SATL1: variants seen among roughly 807,000 people sequenced by gnomAD.
SATL1 encodes spermidine/spermine N1-acetyl transferase like 1, also known as spermidine/spermine N(1)-acetyltransferase-like protein 1.
SATL1 carries 47 observed loss-of-function variants against 51.8 expected under a neutral mutation model. That is an observed-to-expected ratio of 0.91 (90% CI 0.72 to 1.16). The LOEUF (loss-of-function observed/expected upper bound fraction) is 1.16. Among genes scored for constraint, SATL1 ranks in the 50% most tolerant of loss-of-function variants. The pLI is 0.00. For synonymous variants in SATL1, 176 were observed against 182.4 expected (o/e 0.97, Z 0.28); for missense variants, 520 against 526.4 (o/e 0.99, Z 0.12).
intron 4 of SATL1, among the ~76,000 whole-genome samples, chrX:85,100,150 G>A (rs755070120): frequency 8.0e-5 from 9 of 112,301 alleles, no homozygotes; most frequent in African/African-American, 2.9e-4. Context: ...AGGTTGCAGT[G>A]AGCCAAGATC....
At chrX:85,161,415 C>A (rs1160449739) in intron 2 of SATL1, among the ~76,000 whole-genome samples, 1 of 108,606 alleles carries the variant, frequency 9.2e-6, no homozygotes, top group Non-Finnish European at 1.9e-5. Context: ...TCCAGAGACC[C>A]ATCTCACATG....
At chrX:85,241,352 T>C (rs749362317) in intron 1 of SATL1, among the ~76,000 whole-genome samples, 12 of 111,015 alleles carry the variant, frequency 1.1e-4, no homozygotes, top group African/African-American at 3.0e-4. Flanking sequence ...AGTGATGGGA[T>C]CATTCATACA....
chrX:85,208,914 T>G (rs1043126709), intron 2 of SATL1: 14 of 112,304 alleles, frequency 1.2e-4, no homozygotes, highest in East Asian at 8.4e-4. Context: ...AGATCCCATT[T>G]GTCAATTTTG....
chrX:85,103,800 C>T (rs181642291), intron 4 of SATL1, 64 bp downstream of exon 4: 3 of 778,718 alleles, frequency 3.9e-6, no homozygotes, highest in African/African-American at 4.1e-5. Context: ...CAATAGCTTC[C>T]ACATATCTAA....
intron 2 of SATL1, among the ~76,000 whole-genome samples, chrX:85,187,742 G>A (rs1927344400): frequency 9.0e-6 from 1 of 111,253 alleles, no homozygotes; most frequent in Non-Finnish European, 1.9e-5. Flanking sequence ...GAGGACTTTT[G>A]CATCTATGTT....
intron 2 of SATL1, among the ~76,000 whole-genome samples, chrX:85,147,727 C>T (rs1602868100): frequency 8.9e-6 from 1 of 112,169 alleles, no homozygotes; most frequent in East Asian, 2.8e-4. Context: ...TGGAGTGGAC[C>T]TCTAGCAAAC....
At chrX:85,142,893 T>G (rs1258575434) in intron 2 of SATL1, 1 of 111,834 alleles carries the variant, frequency 8.9e-6, no homozygotes, top group Non-Finnish European at 1.9e-5. Context: ...AAAACTCTCC[T>G]AACTTTTGTT....
chrX:85,226,022 A>G (rs1021269212), intron 1 of SATL1, among the ~76,000 whole-genome samples: 2 of 110,756 alleles, frequency 1.8e-5, no homozygotes, highest in African/African-American at 6.6e-5. Flanking sequence ...GAATTATATA[A>G]TTATGTCCTT....
intron 2 of SATL1, among the ~76,000 whole-genome samples, chrX:85,111,985 G>T (rs954945145): frequency 8.9e-6 from 1 of 111,847 alleles, no homozygotes; most frequent in Non-Finnish European, 1.9e-5. Context: ...CCAGAAGAAA[G>T]AATTAGACTG....
intron 2 of SATL1, among the ~76,000 whole-genome samples, chrX:85,179,709 T>C (rs909924407): frequency 9.0e-6 from 1 of 110,583 alleles, no homozygotes; most frequent in Admixed American, 9.7e-5. Context: ...ATCTATAAAA[T>C]AGGACTTCTG....
At chrX:85,095,743 G>A (rs751714338) in intron 4 of SATL1, among the ~76,000 whole-genome samples, 22 of 101,198 alleles carry the variant, frequency 2.2e-4, no homozygotes, top group East Asian at 3.1e-4. Flanking sequence ...GGAGAATGGC[G>A]TGAACCCGGG....
At chrX:85,220,996 C>G (rs907272049) in intron 2 of SATL1, among the ~76,000 whole-genome samples, 10 of 111,056 alleles carry the variant, frequency 9.0e-5, no homozygotes, top group Middle Eastern at 9.3e-3. Context: ...CCAGTTGGTC[C>G]CCCCATATCT....
At chrX:85,199,175 C>T (rs1927641033) in intron 2 of SATL1, among the ~76,000 whole-genome samples, 1 of 110,744 alleles carries the variant, frequency 9.0e-6, no homozygotes, top group East Asian at 2.8e-4. Context: ...CCCCACACTC[C>T]CCCCACTACC....
chrX:85,132,581 G>A (rs1925837389), intron 2 of SATL1, among the ~76,000 whole-genome samples: 3 of 111,515 alleles, frequency 2.7e-5, no homozygotes, highest in Admixed American at 1.9e-4. Context: ...TAGCTTGCTT[G>A]CAATGGTTTC....
chrX:85,225,269 T>A (rs1321159250), intron 1 of SATL1, among the ~76,000 whole-genome samples: 1 of 111,926 alleles, frequency 8.9e-6, no homozygotes, highest in African/African-American at 3.2e-5. Context: ...CAACTACAGA[T>A]AAAACTAGGG....
rs946218510 is a variant in SATL1, at chrX:85,154,049, G to A, written c.-312-44769C>T. 85 of 111,621 alleles carry A rather than the reference G, an allele frequency of 7.6e-4. 1 individual carries two copies. The highest frequency in any genetic ancestry group is 2.7e-3 in the African/African-American group (82 of 30,741). 9.2% of individuals were successfully genotyped at this position (111,621 alleles called of 1,213,427 possible). On this transcript the variant is annotated intron_variant, in intron 2 of 7. Transcript: ENST00000644105. ...GTTCTCTTCCACATTCATCAACATC[G>A]TAATTAAATTCTAACAAAAGTCAGA...
At chrX:85,206,836 G>C (rs1390029269) in intron 2 of SATL1, among the ~76,000 whole-genome samples, 1 of 111,487 alleles carries the variant, frequency 9.0e-6, no homozygotes, top group Admixed American at 9.6e-5. Context: ...CATGAGTAAA[G>C]GCTCTGGGGA....
chrX:85,185,999 C>T (rs1477130545), intron 2 of SATL1, among the ~76,000 whole-genome samples: 1 of 110,570 alleles, frequency 9.0e-6, no homozygotes, highest in Non-Finnish European at 1.9e-5. Flanking sequence ...ACCTGGTTAC[C>T]ACTGCTGGTT....
At chrX:85,195,020 A>G (rs1927525104) in intron 2 of SATL1, among the ~76,000 whole-genome samples, 1 of 92,895 alleles carries the variant, frequency 1.1e-5, no homozygotes, top group South Asian at 4.2e-4. Flanking sequence ...CTTAAAGTGT[A>G]TATATATATA....
Sources: gnomAD v4.1 joint callset for allele counts (sites outside exome capture counted in the v4.1 genomes callset) on GRCh38, gnomAD v4.1.1 for gene constraint, MANE v1.5 for transcripts, NCBI Gene and HGNC (gene_info 2026-07-23, HGNC 2026-07-21) for gene names.